PSD3: variants seen among roughly 807,000 people sequenced by gnomAD.
PSD3 encodes the protein PH and SEC7 domain-containing protein 3.
A neutral mutation model predicts 105.5 loss-of-function variants in PSD3; 49 were observed. That is an observed-to-expected ratio of 0.46 (90% CI 0.37 to 0.59). The LOEUF (loss-of-function observed/expected upper bound fraction) is 0.59. Ranked by LOEUF, PSD3 falls within the 20% of genes least tolerant of loss-of-function variation. The probability of loss-of-function intolerance (pLI) is 0.00; values close to 1 mark genes in which losing one functional copy is unlikely to be tolerated. For synonymous variants in PSD3, 557 were observed against 457.8 expected, an observed-to-expected ratio of 1.22 and a Z score of -2.77; for missense variants, 1,561 against 1,263.8, an observed-to-expected ratio of 1.24 and a Z score of -3.57.
chr8:18,958,344 C>G (rs1189178517), intron 1 of PSD3, among the ~76,000 whole-genome samples: 1 of 152,134 alleles, frequency 6.6e-6, no homozygotes, highest in Non-Finnish European at 1.5e-5. Flanking sequence ...TAGAGAAAGG[C>G]CTTTGTTTTA....
rs372803441 is a variant in PSD3 at position 18,579,547 on chromosome 8, AAC to A, written c.2482-4264_2482-4263del. ...ATTAGAGCACTCCACCATCCCAATA[AAC>A]ACCAAGAATGTGATTTCACAATGCT... On this transcript the variant is annotated intron_variant, in intron 12 of 15. Transcript: ENST00000327040. Among the ~76,000 whole-genome samples, 373 of 152,312 alleles carry A rather than the reference AAC, an allele frequency of 2.4e-3. 2 individuals are homozygous for A. The highest frequency in any genetic ancestry group is 8.6e-3 in the African/African-American group (356 of 41,584).
At chr8:19,006,311 A>G (rs535168398) in intron 1 of PSD3, among the ~76,000 whole-genome samples, 10 of 151,016 alleles carry the variant, frequency 6.6e-5, no homozygotes, top group Middle Eastern at 6.9e-3. Flanking sequence ...AAAAAAAAAA[A>G]AAGAATATAT....
intron 4 of PSD3, among the ~76,000 whole-genome samples, chr8:18,812,209 T>C (rs562307384): frequency 1.1e-3 from 165 of 152,318 alleles, no homozygotes; most frequent in Admixed American, 2.2e-3. Flanking sequence ...GTTCACATGA[T>C]GTTTGACAGA....
chr8:18,826,475 C>T (rs1357887986), intron 4 of PSD3, among the ~76,000 whole-genome samples: 1 of 152,200 alleles, frequency 6.6e-6, no homozygotes. Flanking sequence ...GCTCATCAAA[C>T]AGCACATCTT....
chr8:18,716,341 A>G (rs1802594923), intron 9 of PSD3, among the ~76,000 whole-genome samples: 1 of 152,172 alleles, frequency 6.6e-6, no homozygotes, highest in African/African-American at 2.4e-5. Context: ...AGGGAAATAT[A>G]GTTTTTACCT....
At chr8:18,821,652 T>A (rs1812715830) in intron 4 of PSD3, among the ~76,000 whole-genome samples, 1 of 150,448 alleles carries the variant, frequency 6.6e-6, no homozygotes, top group Admixed American at 6.7e-5. Flanking sequence ...TAAATAGCAA[T>A]GTCATTTTAA....
At chr8:18,856,042 T>C (rs1815981481) in intron 4 of PSD3, among the ~76,000 whole-genome samples, 1 of 152,118 alleles carries the variant, frequency 6.6e-6, no homozygotes, top group Non-Finnish European at 1.5e-5. Context: ...CCCTTCACTC[T>C]CAAGTCCCCA....
At chr8:18,720,286 GCAA>G (rs1180132596) in intron 9 of PSD3, among the ~76,000 whole-genome samples, 1 of 152,126 alleles carries the variant, frequency 6.6e-6, no homozygotes, top group Non-Finnish European at 1.5e-5. Flanking sequence ...ATCATTCCTG[GCAA>G]CATGAACCAC....
intron 11 of PSD3, among the ~76,000 whole-genome samples, chr8:18,629,743 A>G (rs1279081424): frequency 6.6e-6 from 1 of 151,966 alleles, no homozygotes; most frequent in Non-Finnish European, 1.5e-5. Context: ...GTACAGTTAA[A>G]CTTTTCTGGG....
At chr8:19,069,483 T>C (rs1304081194) in intron 1 of PSD3, among the ~76,000 whole-genome samples, 2 of 152,206 alleles carry the variant, frequency 1.3e-5, no homozygotes, top group Non-Finnish European at 2.9e-5. Context: ...AATTTGCAGA[T>C]TATGCACCCA....
At chr8:18,621,559 T>C (rs1195107241) in intron 11 of PSD3, among the ~76,000 whole-genome samples, 1 of 152,220 alleles carries the variant, frequency 6.6e-6, no homozygotes, top group African/African-American at 2.4e-5. Context: ...TTTTGAATTG[T>C]GAATGGGGTA....
intron 9 of PSD3, among the ~76,000 whole-genome samples, chr8:18,678,770 C>T (rs184682369): frequency 2.0e-5 from 3 of 152,048 alleles, no homozygotes; most frequent in Admixed American, 1.3e-4. Flanking sequence ...CGAGATTGTG[C>T]CATTGCACTC....
intron 12 of PSD3, among the ~76,000 whole-genome samples, chr8:18,577,536 T>C (rs1194529466): frequency 6.6e-6 from 1 of 152,118 alleles, no homozygotes; most frequent in Non-Finnish European, 1.5e-5. Context: ...TTAGTTGCTA[T>C]GTTGTCTGGT....
In PSD3 at chr8:18,872,102, C is replaced by A; in HGVS notation, c.762G>T (p.Gly254=). ...QEPSCPLASL[G]SSAVTCHSAG... ...CAGAGTGGCAGGTCACTGCTGAGCT[C>A]CCGAGGGAGGCCAAAGGACAAGATG... Residue 254 remains glycine, a synonymous_variant, in exon 3 of 16, where the codon GGG becomes GGT. Coordinates refer to ENST00000327040, the MANE Select transcript of PSD3 (RefSeq NM_015310.4). 6.2e-7 allele frequency: 1 copy of A among 1,614,108 alleles called. No individual in the cohort carries two copies. The highest frequency in any genetic ancestry group is 1.7e-5 in the Admixed American group (1 of 60,010).
At chr8:18,717,128 G>C (rs981928606) in intron 9 of PSD3, among the ~76,000 whole-genome samples, 2 of 152,084 alleles carry the variant, frequency 1.3e-5, no homozygotes, top group Non-Finnish European at 2.9e-5. Flanking sequence ...AGTCTTAAAG[G>C]TTTTTTTGTT....
At position 18,609,755 on chromosome 8, in the gene PSD3, G is replaced by A. The variant is rs1016874725; in HGVS notation, c.2411-9321C>T. On this transcript the variant is annotated intron_variant, in intron 11 of 15. Coordinates refer to ENST00000327040, the MANE Select transcript of PSD3 (RefSeq NM_015310.4). Reference sequence around the variant, plus strand: ...TAAGTTCATAGATGACAGACTCACAGATGATTAAGTGAAGTTAAGGGTAAT... The same window carrying A: ...TAAGTTCATAGATGACAGACTCACAAATGATTAAGTGAAGTTAAGGGTAAT... 2.6e-5 allele frequency among the ~76,000 whole-genome samples: 4 copies of A among 152,344 alleles called. No individual in the cohort carries two copies. The Middle Eastern group carries it at 0.01, about 389-fold the overall frequency.
At chr8:18,969,215 G>A (rs11773972) in intron 1 of PSD3, among the ~76,000 whole-genome samples, 61,331 of 152,002 alleles carry the variant, frequency 0.4, 12,645 homozygotes, top group Non-Finnish European at 0.44. Context: ...GCTGTAAAGT[G>A]CGAAGCAGTC....
At chr8:18,596,131 T>C (rs1259194595) in intron 12 of PSD3, among the ~76,000 whole-genome samples, 1 of 150,496 alleles carries the variant, frequency 6.6e-6, no homozygotes, top group Non-Finnish European at 1.5e-5. Flanking sequence ...ATGTGGAAAT[T>C]AAGCAACATG....
At chr8:18,787,217 T>C (rs572796889) in intron 8 of PSD3, among the ~76,000 whole-genome samples, 6 of 152,330 alleles carry the variant, frequency 3.9e-5, no homozygotes, top group Non-Finnish European at 7.3e-5. Flanking sequence ...TAAAAGTAGT[T>C]CTGCTCTGAA....
Sources: gnomAD v4.1 joint callset for allele counts (sites outside exome capture counted in the v4.1 genomes callset) on GRCh38, gnomAD v4.1.1 for gene constraint, MANE v1.5 for transcripts, NCBI Gene and HGNC (gene_info 2026-07-23, HGNC 2026-07-21) for gene names.